The following BCAS4 variants were observed in gnomAD, a reference collection of about 807,000 sequenced individuals.
BCAS4 encodes breast carcinoma-amplified sequence 4.
BCAS4 carries 9 observed loss-of-function variants against 15.7 expected under a neutral mutation model. That is an observed-to-expected ratio of 0.57 (90% CI 0.34 to 1.00). The LOEUF (loss-of-function observed/expected upper bound fraction) is 1.00, where lower values mean the gene tolerates loss of function less well. BCAS4 is among the 50% of genes least tolerant of loss of function. The pLI is 0.02. For missense variants in BCAS4, 225 were observed against 239.1 expected (o/e 0.94, Z 0.39); for synonymous variants, 101 against 99.5 (o/e 1.02, Z -0.09).
chr20:50,847,078 C>T (rs550717037), intron 4 of BCAS4, among the ~76,000 whole-genome samples: 20 of 152,182 alleles, frequency 1.3e-4, no homozygotes, highest in African/African-American at 3.1e-4. Flanking sequence ...AGGAAAGCTC[C>T]GGAACTCTCA....
chr20:50,798,070 C>T (rs1415654954), intron 1 of BCAS4, among the ~76,000 whole-genome samples: 4 of 151,650 alleles, frequency 2.6e-5, no homozygotes, highest in African/African-American at 4.8e-5. Context: ...CCAGGGCAGG[C>T]GGATCACTTG....
the BCAS4 span, chr20:50,882,564 A>G: frequency 6.6e-6 from 1 of 152,226 alleles, no homozygotes; most frequent in East Asian, 1.9e-4. Context: ...ATCTGGGGTG[A>G]GAGGTATCCT....
chr20:50,796,100 C>G (rs758987465), intron 1 of BCAS4, among the ~76,000 whole-genome samples: 1 of 151,422 alleles, frequency 6.6e-6, no homozygotes, highest in Non-Finnish European at 1.5e-5. Flanking sequence ...AAATCTATCT[C>G]GCCAGGCCTG....
At chr20:50,803,932 C>A (rs947263826) in intron 1 of BCAS4, among the ~76,000 whole-genome samples, 3 of 152,090 alleles carry the variant, frequency 2.0e-5, no homozygotes, top group African/African-American at 7.2e-5. Context: ...GATTTTAAGC[C>A]TGGAAGTGAC....
intron 1 of BCAS4, among the ~76,000 whole-genome samples, chr20:50,803,760 T>C (rs2123749930): frequency 6.7e-6 from 1 of 149,414 alleles, no homozygotes; most frequent in South Asian, 2.1e-4. Flanking sequence ...ACCACTGTAC[T>C]TCAGCCTTGG....
intron 4 of BCAS4, among the ~76,000 whole-genome samples, chr20:50,864,640 G>A (rs368645760): frequency 6.6e-5 from 10 of 151,282 alleles, no homozygotes; most frequent in Admixed American, 4.0e-4. Context: ...ACAGGGTTTC[G>A]CCATGTTGGC....
intron 1 of BCAS4, among the ~76,000 whole-genome samples, chr20:50,798,137 C>T (rs2087888763): frequency 6.7e-6 from 1 of 150,230 alleles, no homozygotes; most frequent in Non-Finnish European, 1.5e-5. Flanking sequence ...CTCTACTAAA[C>T]ATACAAAAAT....
At chr20:50,877,782 G>A (rs1012363957), downstream of BCAS4, 1 of 152,376 alleles carries the variant, frequency 6.6e-6, no homozygotes, top group Non-Finnish European at 1.5e-5. Flanking sequence ...AGATAGAGTA[G>A]AGGCCAGGTG....
intron 4 of BCAS4, among the ~76,000 whole-genome samples, chr20:50,848,600 G>T (rs969959072): frequency 2.6e-5 from 4 of 152,232 alleles, no homozygotes; most frequent in Non-Finnish European, 4.4e-5. Flanking sequence ...TTGTAGCAGG[G>T]GAGGGACTTG....
chr20:50,839,928 CAG>C (rs1300296289), intron 3 of BCAS4, among the ~76,000 whole-genome samples: 1 of 152,226 alleles, frequency 6.6e-6, no homozygotes, highest in Non-Finnish European at 1.5e-5. Context: ...GATTCTAATC[CAG>C]AGAGTCTGAT....
chr20:50,857,131 A>G (rs1978804918), intron 4 of BCAS4, among the ~76,000 whole-genome samples: 1 of 152,042 alleles, frequency 6.6e-6, no homozygotes, highest in Non-Finnish European at 1.5e-5. Context: ...ATTGAGCAGT[A>G]TTTTCTTCCT....
chr20:50,849,766 T>C (rs1190791784), intron 4 of BCAS4, among the ~76,000 whole-genome samples: 1 of 152,214 alleles, frequency 6.6e-6, no homozygotes, highest in Non-Finnish European at 1.5e-5. Context: ...GTTGTTGTTG[T>C]TTTTTGTTTT....
chr20:50,854,988 C>T (rs530259258), intron 4 of BCAS4, among the ~76,000 whole-genome samples: 64 of 152,224 alleles, frequency 4.2e-4, no homozygotes, highest in South Asian at 1.9e-3. Context: ...AGGAGCACGC[C>T]GGTGCTCAGG....
intron 4 of BCAS4, among the ~76,000 whole-genome samples, chr20:50,868,602 T>C (rs982344850): frequency 2.0e-5 from 3 of 152,196 alleles, no homozygotes; most frequent in Non-Finnish European, 4.4e-5. Context: ...TTTTTGTTTT[T>C]ATAGAGATGG....
At chr20:50,797,799 G>A (rs2087884148) in intron 1 of BCAS4, among the ~76,000 whole-genome samples, 1 of 152,004 alleles carries the variant, frequency 6.6e-6, no homozygotes. Context: ...CCGAGTAGCT[G>A]GGATTACAGG....
At chr20:50,837,145 G>A (rs1309172865) in intron 3 of BCAS4, among the ~76,000 whole-genome samples, 2 of 152,188 alleles carry the variant, frequency 1.3e-5, no homozygotes, top group East Asian at 1.9e-4. Flanking sequence ...AAAAGCCGCC[G>A]AGGCACAGAG....
At chr20:50,815,003 C>T (rs946421001) in intron 1 of BCAS4, among the ~76,000 whole-genome samples, 4 of 152,258 alleles carry the variant, frequency 2.6e-5, no homozygotes, top group Admixed American at 2.0e-4. Context: ...CCCCTTATCA[C>T]GCACCTATTG....
At chr20:50,844,476 T>TG (rs2088519428) in intron 4 of BCAS4, among the ~76,000 whole-genome samples, 1 of 151,958 alleles carries the variant, frequency 6.6e-6, no homozygotes. Context: ...TTAAGACACA[T>TG]GGGGGGCAGA....
At chr20:50,833,519 C>G (rs2088369282) in intron 3 of BCAS4, among the ~76,000 whole-genome samples, 1 of 152,214 alleles carries the variant, frequency 6.6e-6, no homozygotes, top group African/African-American at 2.4e-5. Flanking sequence ...CCTCCAACCC[C>G]ACTCCCCAGC....
Sources: allele counts gnomAD v4.1 joint callset (sites outside exome capture counted in the v4.1 genomes callset), GRCh38; gene constraint gnomAD v4.1.1; transcripts MANE v1.5; gene names NCBI Gene and HGNC (gene_info 2026-07-23, HGNC 2026-07-21).